PRKCE: variants seen among roughly 807,000 people sequenced by gnomAD.
The protein encoded by PRKCE is protein kinase C epsilon type.
PRKCE carries 16 observed loss-of-function variants against 85.4 expected under a neutral mutation model. That is an observed-to-expected ratio of 0.19 (90% CI 0.13 to 0.28). PRKCE has a LOEUF of 0.28. PRKCE is among the 10% of genes least tolerant of loss of function. The pLI is 1.00. For missense variants in PRKCE, 573 were observed against 975.2 expected, an observed-to-expected ratio of 0.59 and a Z score of 5.49; for synonymous variants, 388 against 371.5, an observed-to-expected ratio of 1.04 and a Z score of -0.51.
intron 1 of PRKCE, among the ~76,000 whole-genome samples, chr2:45,771,643 G>A (rs1685337763): frequency 6.6e-6 from 1 of 151,942 alleles, no homozygotes; most frequent in African/African-American, 2.4e-5. Flanking sequence ...TAGAACTTCT[G>A]TTCCAGTTTT....
At chr2:45,695,539 G>T (rs966652504) in intron 1 of PRKCE, among the ~76,000 whole-genome samples, 1 of 152,222 alleles carries the variant, frequency 6.6e-6, no homozygotes, top group Non-Finnish European at 1.5e-5. Flanking sequence ...TTGGGAGGCT[G>T]AGGTGGGTGG....
chr2:45,969,865 A>G (rs1701993587), intron 2 of PRKCE, among the ~76,000 whole-genome samples: 1 of 152,216 alleles, frequency 6.6e-6, no homozygotes, highest in African/African-American at 2.4e-5. Context: ...ACAATATTAC[A>G]ACACATTTCT....
chr2:46,018,883 G>A (rs1706399452), intron 10 of PRKCE, among the ~76,000 whole-genome samples: 2 of 152,190 alleles, frequency 1.3e-5, no homozygotes, highest in Admixed American at 1.3e-4. Flanking sequence ...TCTGCATCGG[G>A]GGTTGCAGGT....
intron 12 of PRKCE, among the ~76,000 whole-genome samples, chr2:46,148,812 G>A (rs1676331529): frequency 6.6e-6 from 1 of 152,222 alleles, no homozygotes; most frequent in African/African-American, 2.4e-5. Flanking sequence ...CGTAGGAACA[G>A]GCAGGGGTCT....
At position 45,898,210 on chromosome 2, in the gene PRKCE, C is replaced by T. The variant is rs146783243; in HGVS notation, c.412+55147C>T. Among the ~76,000 whole-genome samples, 292 of 152,208 alleles carry T rather than the reference C, an allele frequency of 1.9e-3. 4 individuals carry two copies. Among genetic ancestry groups the T allele is most frequent in the Admixed American group, 0.01 (157 of 15,288 alleles). ...CTTCACCTTATTTATTCATTAGAGG[C>T]GAGTTATTAAGTCCAGCCCACACTA... On this transcript the variant is annotated intron_variant, in intron 2 of 14. Transcript: ENST00000306156.
intron 6 of PRKCE, among the ~76,000 whole-genome samples, chr2:45,997,900 C>A (rs529714372): frequency 1.3e-5 from 2 of 152,196 alleles, no homozygotes; most frequent in African/African-American, 2.4e-5. Context: ...CTTGAGATTT[C>A]TTTTCTCACT....
intron 2 of PRKCE, among the ~76,000 whole-genome samples, chr2:45,919,075 A>G (rs1268025519): frequency 6.6e-6 from 1 of 152,228 alleles, no homozygotes; most frequent in Non-Finnish European, 1.5e-5. Flanking sequence ...GATAAGCTGC[A>G]TGTAAATCAA....
At chr2:45,859,994 T>A (rs1013591680) in intron 2 of PRKCE, among the ~76,000 whole-genome samples, 3 of 152,236 alleles carry the variant, frequency 2.0e-5, no homozygotes, top group African/African-American at 7.2e-5. Context: ...ATACATAATA[T>A]ACTTCCTGGA....
In PRKCE at chr2:45,940,885, C is replaced by T. The variant is rs188618281; in HGVS notation, c.413-35544C>T. Among the ~76,000 whole-genome samples the T allele has an allele frequency of 5.7e-3, 784 of 137,328 alleles. 10 individuals carry two copies. Among genetic ancestry groups the T allele is most frequent in the African/African-American group, 0.02 (719 of 36,354 alleles). The allele number at this position is 137,328 out of a possible 152,430, so 90.1% of individuals were successfully genotyped here. The stretch of plus-strand genomic sequence containing the variant: ...ACCAGCCTGGCCAACATGGTGAAAC[C>T]CCATCTCTATTAAAAATACAAAAAA... On this transcript the variant is annotated intron_variant, in intron 2 of 14. Coordinates refer to ENST00000306156, the MANE Select transcript of PRKCE (RefSeq NM_005400.3).
intron 1 of PRKCE, among the ~76,000 whole-genome samples, chr2:45,764,656 A>G (rs143521744): frequency 2.0e-5 from 3 of 152,258 alleles, no homozygotes; most frequent in East Asian, 1.9e-4. Context: ...TTTCTTTTAT[A>G]TCATAAATTT....
rs1675926910 is a variant in PRKCE, at chr2:46,144,986, G to T, written c.1593-107G>T. ...TTCAAGAAACACAAGCTTCTTTCAG[G>T]ACTTTTTTGCTGGAGATTTCCCTAA... On this transcript the variant is annotated intron_variant, in intron 11 of 14. Coordinates refer to ENST00000306156, the MANE Select transcript of PRKCE (RefSeq NM_005400.3). 3 of 1,508,408 alleles carry T rather than the reference G, an allele frequency of 2.0e-6. No individual in the cohort carries two copies. The African/African-American group carries it at 4.1e-5, about 21-fold the overall frequency. The allele number at this position is 1,508,408 out of a possible 1,614,324, so 93.4% of individuals were successfully genotyped here.
chr2:45,818,384 G>C (rs1156466056), intron 1 of PRKCE, among the ~76,000 whole-genome samples: 1 of 152,140 alleles, frequency 6.6e-6, no homozygotes, highest in Non-Finnish European at 1.5e-5. Context: ...TGAGCCATAA[G>C]GATAACATTT....
chr2:45,740,466 T>G (rs898296668), intron 1 of PRKCE, among the ~76,000 whole-genome samples: 2 of 152,066 alleles, frequency 1.3e-5, no homozygotes, highest in African/African-American at 4.8e-5. Flanking sequence ...TTGTTTCTCC[T>G]TTATGCTCTT....
intron 10 of PRKCE, among the ~76,000 whole-genome samples, chr2:46,020,764 A>G (rs1240082212): frequency 6.6e-6 from 1 of 152,244 alleles, no homozygotes; most frequent in African/African-American, 2.4e-5. Flanking sequence ...GGGAGATAAC[A>G]GGGACTGGGA....
intron 2 of PRKCE, among the ~76,000 whole-genome samples, chr2:45,876,158 C>T (rs1475811039): frequency 6.6e-6 from 1 of 152,208 alleles, no homozygotes; most frequent in African/African-American, 2.4e-5. Context: ...TCCCTGCTTC[C>T]ATCTCCCCTT....
chr2:46,022,929 A>G (rs1422714688), intron 10 of PRKCE, among the ~76,000 whole-genome samples: 3 of 151,092 alleles, frequency 2.0e-5, no homozygotes, highest in Non-Finnish European at 4.4e-5. Context: ...TAAAAATACA[A>G]AAAATTAGCC....
chr2:45,968,203 A>C (rs58600785), intron 2 of PRKCE, among the ~76,000 whole-genome samples: 1,802 of 152,184 alleles, frequency 0.012, 40 homozygotes, highest in African/African-American at 0.04. Flanking sequence ...AAGATATGGA[A>C]TCAATCTAAG....
intron 1 of PRKCE, among the ~76,000 whole-genome samples, chr2:45,731,474 G>A (rs1465754617): frequency 6.6e-6 from 1 of 152,152 alleles, no homozygotes; most frequent in Non-Finnish European, 1.5e-5. Flanking sequence ...AGGAAACTGG[G>A]AGAAGTTGAG....
At chr2:45,865,008 T>C (rs1693471278) in intron 2 of PRKCE, among the ~76,000 whole-genome samples, 1 of 152,340 alleles carries the variant, frequency 6.6e-6, no homozygotes, top group Middle Eastern at 3.4e-3. Flanking sequence ...ACCTGAGACC[T>C]CTGGTCGTAA....
Sources: gnomAD v4.1 joint callset for allele counts (sites outside exome capture counted in the v4.1 genomes callset) on GRCh38, gnomAD v4.1.1 for gene constraint, MANE v1.5 for transcripts, NCBI Gene and HGNC (gene_info 2026-07-23, HGNC 2026-07-21) for gene names.